GMDS: variants seen among roughly 807,000 people sequenced by gnomAD.
The protein encoded by GMDS is GDP-mannose 4,6 dehydratase.
Under a neutral mutation model 49.9 loss-of-function variants are expected in GMDS, and 20 were observed. That is an observed-to-expected ratio of 0.40 (90% CI 0.28 to 0.58). GMDS has a LOEUF of 0.58. Ranked by LOEUF, GMDS falls within the 20% of genes least tolerant of loss-of-function variation. The pLI is 0.42. For missense variants in GMDS, 362 were observed against 481.4 expected, an observed-to-expected ratio of 0.75 and a Z score of 2.32; for synonymous variants, 177 against 178.6, an observed-to-expected ratio of 0.99 and a Z score of 0.07.
intron 9 of GMDS, among the ~76,000 whole-genome samples, chr6:1,658,846 A>G (rs1763974059): frequency 6.6e-6 from 1 of 152,238 alleles, no homozygotes; most frequent in Non-Finnish European, 1.5e-5. Context: ...AGTTACAAAC[A>G]TCCAGGGAGC....
chr6:1,927,580 A>G (rs1242209265), intron 7 of GMDS, among the ~76,000 whole-genome samples: 1 of 152,204 alleles, frequency 6.6e-6, no homozygotes, highest in Admixed American at 6.5e-5. Flanking sequence ...ATTTTATGCT[A>G]ATTCAAACGT....
Position 1,849,981 on chromosome 6 carries a change from C to G in GMDS, c.771+80122G>C, listed in dbSNP as rs551120649. On this transcript the variant is annotated intron_variant, in intron 7 of 10. Coordinates refer to ENST00000380815, the MANE Select transcript of GMDS (RefSeq NM_001500.4). ...CTAGGTCTTAAAGAGCTTTTTACAC[C>G]TGAAGACATTCACTGCACATAAAAT... 4.6e-5 allele frequency among the ~76,000 whole-genome samples: 7 copies of G among 152,298 alleles called. No homozygotes were observed. The East Asian group carries it at 1.4e-3, about 29-fold the overall frequency.
chr6:1,964,045 G>C (rs113579399), intron 4 of GMDS, among the ~76,000 whole-genome samples: 2,625 of 152,138 alleles, frequency 0.017, 73 homozygotes, highest in African/African-American at 0.06. Context: ...CCTCCGTGAG[G>C]GTCTCATAAA....
At chr6:2,198,834 T>C (rs1200716238) in intron 1 of GMDS, among the ~76,000 whole-genome samples, 1 of 152,232 alleles carries the variant, frequency 6.6e-6, no homozygotes, top group Non-Finnish European at 1.5e-5. Context: ...AGAATTATAC[T>C]AGTCTATCTA....
intron 7 of GMDS, among the ~76,000 whole-genome samples, chr6:1,786,130 C>G (rs1260903007): frequency 2.0e-5 from 3 of 152,224 alleles, no homozygotes; most frequent in Non-Finnish European, 2.9e-5. Context: ...GAAAGTCTTT[C>G]TAGTGAAGCT....
chr6:1,738,456 C>T (rs775486518), intron 8 of GMDS, among the ~76,000 whole-genome samples: 2 of 152,166 alleles, frequency 1.3e-5, no homozygotes, highest in Non-Finnish European at 2.9e-5. Context: ...ATATCTGTGT[C>T]GATTCTAAAT....
intron 7 of GMDS, among the ~76,000 whole-genome samples, chr6:1,851,626 G>A (rs114017258): frequency 0.022 from 3,344 of 152,094 alleles, 119 homozygotes; most frequent in African/African-American, 0.076. Context: ...TATAAATGTG[G>A]GCCAGCTAAT....
At chr6:1,759,034 C>T (rs1176137451) in intron 7 of GMDS, among the ~76,000 whole-genome samples, 9 of 152,202 alleles carry the variant, frequency 5.9e-5, no homozygotes, top group South Asian at 2.1e-4. Context: ...GTGATTCTCA[C>T]GCCTCAGCCT....
At chr6:1,727,276 G>T (rs1377313814) in intron 8 of GMDS, among the ~76,000 whole-genome samples, 1 of 152,182 alleles carries the variant, frequency 6.6e-6, no homozygotes, top group African/African-American at 2.4e-5. Flanking sequence ...TATGCAGGAT[G>T]AGCTCATATG....
At chr6:2,023,770 G>C (rs1342639492) in intron 4 of GMDS, among the ~76,000 whole-genome samples, 3 of 152,028 alleles carry the variant, frequency 2.0e-5, no homozygotes, top group African/African-American at 7.3e-5. Context: ...ACAGAGATGA[G>C]AACATCATCC....
In GMDS at chr6:2,036,569, C is replaced by A. The variant is rs149869764; in HGVS notation, c.346-75603G>T. Among the ~76,000 whole-genome samples, 6 of 152,290 alleles carry A rather than the reference C, an allele frequency of 3.9e-5. No individual in the cohort carries two copies. The East Asian group carries it at 1.2e-3, about 29-fold the overall frequency. ...GCATATAGAAATTCCTGGCGTTACC[C>A]ATTATCATACTTGTGTGTCCCAAAT... On this transcript the variant is annotated intron_variant, in intron 4 of 10. Transcript: ENST00000380815.
intron 7 of GMDS, among the ~76,000 whole-genome samples, chr6:1,849,349 T>A (rs148183990): frequency 2.5e-3 from 385 of 152,296 alleles, no homozygotes; most frequent in African/African-American, 8.3e-3. Flanking sequence ...ACCATACGCA[T>A]GCTGATCAAA....
At chr6:1,670,583 T>C (rs1764390386) in intron 9 of GMDS, among the ~76,000 whole-genome samples, 1 of 152,200 alleles carries the variant, frequency 6.6e-6, no homozygotes, top group East Asian at 1.9e-4. Context: ...AAAACACTGA[T>C]ATGAAAAGCT....
chr6:2,140,519 T>C (rs1776231952), intron 1 of GMDS, among the ~76,000 whole-genome samples: 1 of 152,270 alleles, frequency 6.6e-6, no homozygotes, highest in South Asian at 2.1e-4. Context: ...ACCTGCAACA[T>C]GCAAAGCGAC....
intron 9 of GMDS, among the ~76,000 whole-genome samples, chr6:1,707,520 G>C (rs901591628): frequency 6.7e-6 from 1 of 150,086 alleles, no homozygotes; most frequent in South Asian, 2.1e-4. Flanking sequence ...ACCAGATGGA[G>C]GTGGGCTCCC....
intron 9 of GMDS, among the ~76,000 whole-genome samples, chr6:1,642,582 C>G (rs1763364729): frequency 1.3e-5 from 2 of 152,198 alleles, no homozygotes; most frequent in Non-Finnish European, 2.9e-5. Flanking sequence ...CTCCACCTTC[C>G]CCCTAAGGTG....
At chr6:1,942,376 G>T (rs1314621766) in intron 6 of GMDS, among the ~76,000 whole-genome samples, 1 of 152,130 alleles carries the variant, frequency 6.6e-6, no homozygotes, top group African/African-American at 2.4e-5. Context: ...GCATGCTTTG[G>T]TGCTCTTTCC....
intron 4 of GMDS, among the ~76,000 whole-genome samples, chr6:1,971,675 G>C (rs1764621757): frequency 6.6e-6 from 1 of 152,136 alleles, no homozygotes; most frequent in African/African-American, 2.4e-5. Context: ...TGCACACACT[G>C]CTTCTGTCTG....
intron 9 of GMDS, among the ~76,000 whole-genome samples, chr6:1,680,208 G>A (rs998799795): frequency 2.0e-5 from 3 of 152,164 alleles, no homozygotes; most frequent in African/African-American, 7.2e-5. Flanking sequence ...GGCCTCAGAG[G>A]TGAACTTCAC....
Sources: gnomAD v4.1 joint callset for allele counts (sites outside exome capture counted in the v4.1 genomes callset) on GRCh38, gnomAD v4.1.1 for gene constraint, MANE v1.5 for transcripts, NCBI Gene and HGNC (gene_info 2026-07-23, HGNC 2026-07-21) for gene names.